The following HSF4 variants were observed in gnomAD, a reference collection of about 807,000 sequenced individuals.
HSF4 encodes the protein heat shock factor protein 4.
Under a neutral mutation model 52.0 loss-of-function variants are expected in HSF4, and 41 were observed. The ratio of observed to expected loss-of-function variants is 0.79; its 90% CI spans 0.61 to 1.02. HSF4 has a LOEUF of 1.02. Among genes scored for constraint, HSF4 ranks in the 50% least tolerant of loss-of-function variants. The pLI is 0.00. For synonymous variants in HSF4, 285 were observed against 273.0 expected, an observed-to-expected ratio of 1.04 and a Z score of -0.43; for missense variants, 610 against 651.1, an observed-to-expected ratio of 0.94 and a Z score of 0.69.
At chr16:67,167,441 A>C (rs775910380) in intron 7 of HSF4, 34 bp from the exon 8 acceptor site, 1 of 1,613,582 alleles carries the variant, frequency 6.2e-7, no homozygotes, top group African/African-American at 1.3e-5. Flanking sequence ...CTGTGCCTAC[A>C]GGCCAAGGGC....
chr16:67,167,103 C>T lies in HSF4; in HGVS notation c.627-17C>T. On this transcript the variant is annotated splice_polypyrimidine_tract_variant and intron_variant, in intron 6 of 12. Coordinates refer to ENST00000521374, the MANE Select transcript of HSF4 (RefSeq NM_001374675.1). ...GACCCTGCCCCACCCCTGCCTGTGC[C>T]CTGATCGACCACACAGGTCCCTGAT... The T allele has an allele frequency of 1.2e-6, 2 of 1,614,064 alleles. No homozygotes were observed. The highest frequency in any genetic ancestry group is 1.7e-4 in the Middle Eastern group (1 of 6,060).
chr16:67,166,327 G>A lies in HSF4; in HGVS notation c.493G>A (p.Glu165Lys), dbSNP rs1311328507. The change falls in exon 5 of 13, where the codon GAG (glutamate) becomes AAG (lysine). Residue 165 changes from glutamate (E) to lysine (K), a missense_variant. Physicochemically the swap from Glu to Lys is moderately conservative, Grantham distance 56. Coordinates refer to ENST00000521374, the MANE Select transcript of HSF4 (RefSeq NM_001374675.1). Reference sequence around the variant, plus strand: ...CTCCCACCCCTTCCTCAGGCAGAACGAGATCTTGTGGCGGGAGGTGGTGAC... The same window carrying A: ...CTCCCACCCCTTCCTCAGGCAGAACAAGATCTTGTGGCGGGAGGTGGTGAC... Reference protein sequence around the residue: ...ARLRELRQQNEILWREVVTLR... With the variant: ...ARLRELRQQNKILWREVVTLR... 2.5e-6 allele frequency: 4 copies of A among 1,612,664 alleles called. No homozygotes were observed. Among genetic ancestry groups the A allele is most frequent in the Non-Finnish European group, 3.4e-6 (4 of 1,179,366 alleles).
rs1192135222 is a variant in HSF4, at chr16:67,165,604, C to T, written c.206C>T (p.Ala69Val). 1.2e-6 allele frequency: 2 copies of T among 1,613,068 alleles called. No individual in the cohort carries two copies. Among genetic ancestry groups the T allele is most frequent in the South Asian group, 1.1e-5 (1 of 91,090 alleles). Reference protein sequence around the residue: ...LPQYFKHSNMASFVRQLNMYG... With the variant: ...LPQYFKHSNMVSFVRQLNMYG... ...CAGTATTTCAAGCATAGCAACATGG[C>T]GAGCTTCGTGCGCCAACTCAACATG... is the stretch of plus-strand genomic sequence containing the variant. The change falls in exon 2 of 13, where the codon GCG (alanine) becomes GTG (valine). Residue 69 changes from alanine (A) to valine (V), a missense_variant. Physicochemically the swap from Ala to Val is moderately conservative, Grantham distance 64. Coordinates refer to ENST00000521374, the MANE Select transcript of HSF4 (RefSeq NM_001374675.1). This position sits in a 1 kb window ranked among gnomAD's most constrained non-coding sequence, Gnocchi z 6.9.
At chr16:67,163,910 C>A, upstream of HSF4, 1 of 1,518,770 alleles carries the variant, frequency 6.6e-7, no homozygotes, top group South Asian at 1.2e-5. Context: ...GTGCTAGTGC[C>A]TTCTTTTGGG....
Position 67,169,073 on chromosome 16 carries a change from T to C in HSF4, c.1226T>C (p.Leu409Pro), listed in dbSNP as rs2145928027. Reference sequence around the variant, plus strand: ...AGTCTCCAAGGGCGAGAATGGACCCTGATGGACTTGGACATGGAGCTGTCC... The same window carrying C: ...AGTCTCCAAGGGCGAGAATGGACCCCGATGGACTTGGACATGGAGCTGTCC... Reference protein sequence around the residue: ...GPSLQGREWTLMDLDMELSLM... With the variant: ...GPSLQGREWTPMDLDMELSLM... The change falls in exon 11 of 13, where the codon CTG (leucine) becomes CCG (proline). Residue 409 changes from leucine to proline, a missense_variant. Transcript: ENST00000521374. This position sits in a 1 kb window ranked among gnomAD's most constrained non-coding sequence, Gnocchi z 4.3. 1 of 1,613,590 alleles carries C rather than the reference T, an allele frequency of 6.2e-7. No homozygotes were observed. Among genetic ancestry groups the C allele is most frequent in the East Asian group, 2.2e-5 (1 of 44,874 alleles).
At chr16:67,168,990 T>C (rs780768428) in intron 10 of HSF4, 46 bp from the exon 11 acceptor site, 1 of 1,613,536 alleles carries the variant, frequency 6.2e-7, no homozygotes, top group Non-Finnish European at 8.5e-7. Context: ...GGTCTAGCTC[T>C]CTGTGGAGCC....
At chr16:67,166,133 G>T (rs1597239536) in intron 4 of HSF4, 63 bp downstream of exon 4, 2 of 1,491,976 alleles carry the variant, frequency 1.3e-6, no homozygotes, top group Non-Finnish European at 1.8e-6. Context: ...ACCATAACTG[G>T]CCGGCCAGCA....
intron 5 of HSF4, 30 bp from the exon 6 acceptor site, chr16:67,166,528 G>A (rs983817524): frequency 1.2e-6 from 2 of 1,613,278 alleles, no homozygotes; most frequent in Non-Finnish European, 1.7e-6. Flanking sequence ...TGTGTCCAAA[G>A]TATGAATTAA....
upstream of HSF4, chr16:67,164,301 G>A (rs893149863): frequency 1.8e-5 from 7 of 387,962 alleles, no homozygotes; most frequent in Admixed American, 2.3e-4. Flanking sequence ...ACAGCTGCGG[G>A]GGGTCAGGGT....
chr16:67,167,401 A>G lies in HSF4; in HGVS notation c.730-74A>G, dbSNP rs532482065. 6.2e-6 allele frequency: 10 copies of G among 1,612,918 alleles called. No homozygotes were observed. The Admixed American group carries it at 1.7e-4, about 27-fold the overall frequency. On this transcript the variant is annotated intron_variant, in intron 7 of 12. Transcript: ENST00000521374. ...AAACCTTCTCCCTTAGACCTGGCCC[A>G]GGTGGGTGTTGGTGGGGTTCTGGCT...
upstream of HSF4, chr16:67,164,724 G>A: frequency 1.4e-6 from 2 of 1,446,170 alleles, no homozygotes; most frequent in Non-Finnish European, 1.8e-6. Context: ...GGAGTAGGGC[G>A]GAGCGGGCGG....
Position 67,169,033 on chromosome 16 carries a change from C to G in HSF4, c.1189-3C>G, listed in dbSNP as rs1195765107. On this transcript the variant is annotated splice_polypyrimidine_tract_variant and splice_region_variant and intron_variant, in intron 10 of 12. Transcript: ENST00000521374. This position sits in a 1 kb window ranked among gnomAD's most constrained non-coding sequence, Gnocchi z 4.3. ...GGCACCACTGACCCAGAGCTCTCCTCAGGTGCTGGGCCCCAGTCTCCAAGG... is the reference window on the plus strand; with the variant it reads ...GGCACCACTGACCCAGAGCTCTCCTGAGGTGCTGGGCCCCAGTCTCCAAGG... 1 of 1,613,964 alleles carries G rather than the reference C, an allele frequency of 6.2e-7. No individual in the cohort carries two copies. The highest frequency in any genetic ancestry group is 8.5e-7 in the Non-Finnish European group (1 of 1,180,006).
chr16:67,165,166 T>C lies in HSF4; in HGVS notation c.123+232T>C. ...AGAGTCCGAGGGACCTTCGAGGCCA[T>C]TTAGTTCCCACCCTACCCCATCCGA... is the stretch of plus-strand genomic sequence containing the variant. On this transcript the variant is annotated intron_variant, in intron 1 of 12. Transcript: ENST00000521374. This position sits in a 1 kb window ranked among gnomAD's most constrained non-coding sequence, Gnocchi z 6.9. 1 of 595,442 alleles carries C rather than the reference T, an allele frequency of 1.7e-6. No homozygotes were observed. The highest frequency in any genetic ancestry group is 3.0e-6 in the Non-Finnish European group (1 of 336,406). 36.9% of individuals were successfully genotyped at this position (595,442 alleles called of 1,614,324 possible). A position where few individuals can be genotyped will look rare whatever the true frequency, so the allele number is the denominator to read the frequency against.
Position 67,165,197 on chromosome 16 carries a change from G to A in HSF4, c.123+263G>A. 1 of 593,934 alleles carries A rather than the reference G, an allele frequency of 1.7e-6. No individual in the cohort carries two copies. The highest frequency in any genetic ancestry group is 1.9e-5 in the African/African-American group (1 of 53,856). 36.8% of individuals were successfully genotyped at this position (593,934 alleles called of 1,614,324 possible). A position where few individuals can be genotyped will look rare whatever the true frequency, so the allele number is the denominator to read the frequency against. Reference sequence around the variant, plus strand: ...TCCCACCCTACCCCATCCGACAGATGGGAAAACAGAGGCCGGGAGATGGGA... The same window carrying A: ...TCCCACCCTACCCCATCCGACAGATAGGAAAACAGAGGCCGGGAGATGGGA... On this transcript the variant is annotated intron_variant, in intron 1 of 12. Transcript: ENST00000521374. This position sits in a 1 kb window ranked among gnomAD's most constrained non-coding sequence, Gnocchi z 6.9.
upstream of HSF4, chr16:67,164,263 T>A: frequency 2.4e-6 from 1 of 413,306 alleles, no homozygotes; most frequent in South Asian, 1.8e-5. Context: ...CGGCAGAGGT[T>A]GGGTTTCCTC....
At chr16:67,164,034 G>A (rs1014323146), upstream of HSF4, 10 of 734,196 alleles carry the variant, frequency 1.4e-5, no homozygotes, top group Non-Finnish European at 2.2e-5. Flanking sequence ...CCACCCGCTC[G>A]GTCCTGGACA....
upstream of HSF4, chr16:67,164,492 A>C (rs1464083040): frequency 1.7e-6 from 1 of 572,584 alleles, no homozygotes. Flanking sequence ...CCTGTAGAAC[A>C]AAGAAGGAAA....
upstream of HSF4, chr16:67,164,573 ACC>A: frequency 5.8e-6 from 1 of 171,998 alleles, no homozygotes; most frequent in Admixed American, 4.6e-5. Context: ...ACCCCACTCC[ACC>A]CCACCCCACC....
At chr16:67,163,859 G>A (rs1038106353), upstream of HSF4, 7 of 1,478,176 alleles carry the variant, frequency 4.7e-6, no homozygotes, top group Non-Finnish European at 4.4e-6. Flanking sequence ...GGACGTAAGC[G>A]CTCTGAGAGG....
Sources: allele counts gnomAD v4.1 joint callset, GRCh38; gene constraint gnomAD v4.1.1; non-coding constraint Gnocchi (gnomAD v3.1); transcripts MANE v1.5; gene names NCBI Gene and HGNC (gene_info 2026-07-23, HGNC 2026-07-21).